The following RAPGEF4 variants were observed in gnomAD, a reference collection of about 807,000 sequenced individuals.
The protein encoded by RAPGEF4 is RAP guanine-nucleotide-exchange factor (GEF) 4.
RAPGEF4 carries 66 observed loss-of-function variants against 147.9 expected under a neutral mutation model. The observed-to-expected ratio is 0.45, with a 90% confidence interval of 0.37 to 0.55. The LOEUF (loss-of-function observed/expected upper bound fraction) is 0.55. RAPGEF4 is among the 20% of genes least tolerant of loss of function. The pLI, the probability that RAPGEF4 is intolerant of heterozygous loss-of-function variation, is 0.00. For synonymous variants in RAPGEF4, 419 were observed against 442.7 expected (o/e 0.95, Z 0.67); for missense variants, 1,071 against 1,257.3 (o/e 0.85, Z 2.24).
At chr2:172,773,032 A>G (rs977311420) in intron 1 of RAPGEF4, among the ~76,000 whole-genome samples, 2 of 152,142 alleles carry the variant, frequency 1.3e-5, no homozygotes, top group Non-Finnish European at 2.9e-5. Context: ...ATTCTCTTTC[A>G]TTAACTAATC....
At chr2:172,984,096 A>T (rs1691981049) in intron 11 of RAPGEF4, among the ~76,000 whole-genome samples, 1 of 152,212 alleles carries the variant, frequency 6.6e-6, no homozygotes, top group African/African-American at 2.4e-5. Flanking sequence ...AAAATGACCC[A>T]GTGGCTGTAT....
chr2:172,809,853 T>G (rs969113010), intron 3 of RAPGEF4, among the ~76,000 whole-genome samples: 1 of 152,150 alleles, frequency 6.6e-6, no homozygotes, highest in Non-Finnish European at 1.5e-5. Flanking sequence ...TGTTTGTGAT[T>G]GTTTAAATTT....
intron 25 of RAPGEF4, among the ~76,000 whole-genome samples, chr2:173,027,857 T>G (rs1308807639): frequency 6.6e-6 from 1 of 152,244 alleles, no homozygotes; most frequent in Non-Finnish European, 1.5e-5. Context: ...GAATTTAATC[T>G]TCTCCTGCTA....
At chr2:172,862,291 T>A (rs187617778) in intron 4 of RAPGEF4, among the ~76,000 whole-genome samples, 1 of 152,322 alleles carries the variant, frequency 6.6e-6, no homozygotes, top group East Asian at 1.9e-4. Context: ...TAACAGTGTA[T>A]TGTTCTGATA....
At chr2:172,857,661 CA>C (rs1693578314) in intron 4 of RAPGEF4, among the ~76,000 whole-genome samples, 1 of 151,996 alleles carries the variant, frequency 6.6e-6, no homozygotes, top group African/African-American at 2.4e-5. Context: ...GTGGGAGGAT[CA>C]CTTGAGCCCA....
At chr2:173,023,650 G>C (rs1696335860) in intron 23 of RAPGEF4, among the ~76,000 whole-genome samples, 1 of 152,152 alleles carries the variant, frequency 6.6e-6, no homozygotes, top group South Asian at 2.1e-4. Flanking sequence ...ACTCTCAAAA[G>C]GGTTGCAGGA....
chr2:172,931,718 C>T lies in RAPGEF4; in HGVS notation c.537+9418C>T, dbSNP rs148571865. Among the ~76,000 whole-genome samples the T allele has an allele frequency of 7.6e-3, 1,151 of 152,232 alleles. 13 individuals are homozygous for T. The highest frequency in any genetic ancestry group is 0.025 in the African/African-American group (1,048 of 41,536). On this transcript the variant is annotated intron_variant, in intron 6 of 30. Coordinates refer to ENST00000397081, the MANE Select transcript of RAPGEF4 (RefSeq NM_007023.4). ...GGCAGCTGGCTTGTTTGGGGCACATCGGAGAGTCATGGATGTTATCACAGC... is the reference window on the plus strand; with the variant it reads ...GGCAGCTGGCTTGTTTGGGGCACATTGGAGAGTCATGGATGTTATCACAGC...
At chr2:172,953,971 C>T (rs796737288) in intron 6 of RAPGEF4, among the ~76,000 whole-genome samples, 3 of 152,312 alleles carry the variant, frequency 2.0e-5, no homozygotes, top group African/African-American at 7.2e-5. Context: ...CTCCTAAAGT[C>T]TTTTCCCTAG....
intron 29 of RAPGEF4, among the ~76,000 whole-genome samples, chr2:173,040,426 A>G (rs532408914): frequency 3.3e-5 from 5 of 152,242 alleles, no homozygotes; most frequent in African/African-American, 7.2e-5. Context: ...GTTGATGTCA[A>G]TGCCACTTCC....
chr2:172,849,139 A>C (rs1046483038), intron 4 of RAPGEF4, among the ~76,000 whole-genome samples: 2 of 151,974 alleles, frequency 1.3e-5, no homozygotes, highest in African/African-American at 2.4e-5. Context: ...TTTGCCAGAC[A>C]ACTTGATTCA....
chr2:172,765,162 G>T lies in RAPGEF4; in HGVS notation c.65+29114G>T, dbSNP rs184905336. On this transcript the variant is annotated intron_variant, in intron 1 of 30. Coordinates refer to ENST00000397081, the MANE Select transcript of RAPGEF4 (RefSeq NM_007023.4). The stretch of plus-strand genomic sequence containing the variant: ...TTGCTGCCTCCATCATAACATGGTT[G>T]TCTTGCCTCCGTGTCTGTTTCTGTG... Among the ~76,000 whole-genome samples, 47 of 152,296 alleles carry T rather than the reference G, an allele frequency of 3.1e-4. No individual in the cohort carries two copies. In the East Asian group the frequency reaches 8.3e-3, roughly 27 times the overall value.
At chr2:173,049,688 A>G (rs1685958801) in intron 30 of RAPGEF4, among the ~76,000 whole-genome samples, 1 of 152,222 alleles carries the variant, frequency 6.6e-6, no homozygotes, top group African/African-American at 2.4e-5. Flanking sequence ...GAAAAATGAC[A>G]TTGATTTGGG....
At chr2:172,809,445 C>T (rs1376680777) in intron 3 of RAPGEF4, among the ~76,000 whole-genome samples, 1 of 152,188 alleles carries the variant, frequency 6.6e-6, no homozygotes, top group Non-Finnish European at 1.5e-5. Context: ...CTCTGAAAGA[C>T]AGAAACTCAG....
chr2:172,844,891 C>T (rs575079858), intron 4 of RAPGEF4, among the ~76,000 whole-genome samples: 4 of 152,270 alleles, frequency 2.6e-5, no homozygotes, highest in East Asian at 3.9e-4. Context: ...TAACTTTCAA[C>T]GTACAACATT....
intron 3 of RAPGEF4, among the ~76,000 whole-genome samples, chr2:172,805,099 C>G (rs1687358705): frequency 6.6e-6 from 1 of 152,232 alleles, no homozygotes; most frequent in Non-Finnish European, 1.5e-5. Context: ...TTTCCCCTCT[C>G]ACAGTCAGGC....
chr2:173,027,966 TC>T (rs1389571244), intron 25 of RAPGEF4, among the ~76,000 whole-genome samples: 1 of 152,198 alleles, frequency 6.6e-6, no homozygotes, highest in African/African-American at 2.4e-5. Flanking sequence ...CTGTGAGACT[TC>T]TTTCCTTTCT....
chr2:172,914,815 C>A (rs1683874644), intron 4 of RAPGEF4, among the ~76,000 whole-genome samples: 1 of 152,160 alleles, frequency 6.6e-6, no homozygotes, highest in South Asian at 2.1e-4. Context: ...TTTGCCAATT[C>A]TGACAGATTA....
chr2:172,966,374 A>G (rs954547103), intron 9 of RAPGEF4, among the ~76,000 whole-genome samples: 3 of 152,254 alleles, frequency 2.0e-5, no homozygotes, highest in Admixed American at 1.3e-4. Flanking sequence ...TAATGTGCAT[A>G]CATGTCACCT....
At chr2:172,943,834 T>G (rs1687409466) in intron 6 of RAPGEF4, among the ~76,000 whole-genome samples, 1 of 152,220 alleles carries the variant, frequency 6.6e-6, no homozygotes, top group South Asian at 2.1e-4. Flanking sequence ...TTCTCTGTTC[T>G]ATATCTTCAT....
Sources: allele counts gnomAD v4.1 joint callset (sites outside exome capture counted in the v4.1 genomes callset), GRCh38; gene constraint gnomAD v4.1.1; transcripts MANE v1.5; gene names NCBI Gene and HGNC (gene_info 2026-07-23, HGNC 2026-07-21).